SLCO1C1: variants seen among roughly 807,000 people sequenced by gnomAD.
SLCO1C1 encodes the protein OAT-RP-5.
SLCO1C1 carries 70 observed loss-of-function variants against 76.4 expected under a neutral mutation model. That is an observed-to-expected ratio of 0.92 (90% CI 0.76 to 1.12). SLCO1C1 has a LOEUF of 1.12. SLCO1C1 is among the 50% of genes most tolerant of loss of function. The pLI is 0.00. For synonymous variants in SLCO1C1, 306 were observed against 286.1 expected (o/e 1.07, Z -0.70); for missense variants, 912 against 823.8 (o/e 1.11, Z -1.31).
At chr12:20,715,860 A>C (rs1947338461) in intron 6 of SLCO1C1, among the ~76,000 whole-genome samples, 1 of 152,228 alleles carries the variant, frequency 6.6e-6, no homozygotes, top group African/African-American at 2.4e-5. Context: ...CAGCAGCTAA[A>C]AATCTGAAAA....
chr12:20,752,626 C>A lies in SLCO1C1; in HGVS notation c.*98C>A. On this transcript the variant is annotated 3_prime_UTR_variant, in exon 15 of 15. Transcript: ENST00000266509. ...GCTCTAAATTTGTAATTTCTTTCTC[C>A]TTTCAAAAAATGTCTACTTTGTTTT... 9.6e-7 allele frequency: 1 copy of A among 1,039,290 alleles called. No homozygotes were observed. Among genetic ancestry groups the A allele is most frequent in the Non-Finnish European group, 1.4e-6 (1 of 738,864 alleles). 64.4% of individuals were successfully genotyped at this position (1,039,290 alleles called of 1,614,324 possible).
chr12:20,737,298 G>T (rs763071171), intron 11 of SLCO1C1, 26 bp downstream of exon 11: 2 of 1,543,992 alleles, frequency 1.3e-6, no homozygotes, highest in South Asian at 2.5e-5. Context: ...TCAAGTATAT[G>T]GCGATGGTCC....
At chr12:20,733,693 C>T (rs1213128690) in intron 10 of SLCO1C1, among the ~76,000 whole-genome samples, 1 of 152,164 alleles carries the variant, frequency 6.6e-6, no homozygotes, top group Admixed American at 6.5e-5. Flanking sequence ...AACGCCTGTC[C>T]TTCAACCCAG....
At chr12:20,710,204 T>C (rs944292391) in intron 4 of SLCO1C1, among the ~76,000 whole-genome samples, 6 of 131,800 alleles carry the variant, frequency 4.6e-5, no homozygotes, top group East Asian at 4.2e-4. Flanking sequence ...ACTTTTCTTT[T>C]TTTTTTTTTT....
chr12:20,720,739 T>C (rs1477041662), intron 7 of SLCO1C1, among the ~76,000 whole-genome samples: 1 of 152,210 alleles, frequency 6.6e-6, no homozygotes, highest in African/African-American at 2.4e-5. Flanking sequence ...GGCTCATGCC[T>C]GTAATCCCAG....
At chr12:20,740,441 T>C in intron 12 of SLCO1C1, 73 bp downstream of exon 12, 1 of 1,375,224 alleles carries the variant, frequency 7.3e-7, no homozygotes, top group Non-Finnish European at 1.0e-6. Flanking sequence ...TAAATTTTTT[T>C]CTGTGGAGTC....
At chr12:20,713,095 T>TC (rs914188754) in intron 5 of SLCO1C1, among the ~76,000 whole-genome samples, 1 of 151,246 alleles carries the variant, frequency 6.6e-6, no homozygotes, top group Non-Finnish European at 1.5e-5. Flanking sequence ...TTTTTTTTTT[T>TC]TTGAGACGGA....
chr12:20,714,560 T>C (rs576091374), intron 5 of SLCO1C1, among the ~76,000 whole-genome samples: 1 of 152,330 alleles, frequency 6.6e-6, no homozygotes, highest in East Asian at 1.9e-4. Flanking sequence ...ATAATTTTTA[T>C]GTAAATTTGT....
rs757681985 is a variant in SLCO1C1 at position 20,752,423 on chromosome 12, G to A, written c.2034G>A (p.Lys678=). 1.9e-6 allele frequency: 3 copies of A among 1,613,436 alleles called. No individual in the cohort carries two copies. The highest frequency in any genetic ancestry group is 2.5e-6 in the Non-Finnish European group (3 of 1,179,620). The change falls in exon 15 of 15, where the codon AAG becomes AAA. Residue 678 remains lysine, a synonymous_variant. Transcript: ENST00000266509. ...CAAAACACAGAAGTTTTATAACCAA[G>A]AGAGAAAGAACAATGGTGTCTACAA... is the stretch of plus-strand genomic sequence containing the variant. ...YVSKHRSFIT[K]RERTMVSTRF... is the part of the protein sequence containing the mutation.
chr12:20,697,488 A>G (rs2120579089), intron 1 of SLCO1C1: 1 of 152,128 alleles, frequency 6.6e-6, no homozygotes, highest in African/African-American at 2.4e-5. Flanking sequence ...GTCCTGGCAA[A>G]ATACTGTTCT....
intron 11 of SLCO1C1, among the ~76,000 whole-genome samples, chr12:20,737,652 A>G (rs545681679): frequency 2.6e-5 from 4 of 152,266 alleles, no homozygotes; most frequent in Admixed American, 2.0e-4. Context: ...TAGGGAATGA[A>G]CAAATAGAGG....
At chr12:20,700,447 T>A (rs1009359657) in intron 2 of SLCO1C1, among the ~76,000 whole-genome samples, 16 of 151,998 alleles carry the variant, frequency 1.1e-4, no homozygotes, top group East Asian at 3.9e-4. Flanking sequence ...TTCTTTTTTT[T>A]AATTATTTTT....
intron 7 of SLCO1C1, among the ~76,000 whole-genome samples, chr12:20,720,247 C>A (rs971741160): frequency 6.6e-6 from 1 of 152,140 alleles, no homozygotes; most frequent in Non-Finnish European, 1.5e-5. Context: ...ATTGGCAATG[C>A]ACCTAGTCAC....
At chr12:20,750,065 GA>G (rs1256416926) in intron 13 of SLCO1C1, among the ~76,000 whole-genome samples, 2 of 152,162 alleles carry the variant, frequency 1.3e-5, no homozygotes, top group Admixed American at 1.3e-4. Flanking sequence ...CACAAAAGTA[GA>G]AAGACCCAAT....
chr12:20,732,923 C>A lies in SLCO1C1; in HGVS notation c.1201C>A (p.Pro401Thr). 1 of 1,613,918 alleles carries A rather than the reference C, an allele frequency of 6.2e-7. No homozygotes were observed. Among genetic ancestry groups the A allele is most frequent in the Non-Finnish European group, 8.5e-7 (1 of 1,179,906 alleles). ...TTGTTTCTCAGGGCTCATCAACATTCCAGCAGTGGCCCTTGGAATATTCTC... is the reference window on the plus strand; with the variant it reads ...TTGTTTCTCAGGGCTCATCAACATTACAGCAGTGGCCCTTGGAATATTCTC... ...ANFVIGLINI[P>T]AVALGIFSGG... The change falls in exon 10 of 15, where the codon CCA (proline) becomes ACA (threonine). Residue 401 changes from proline (P) to threonine (T), a missense_variant. By Grantham distance (38) the Pro-to-Thr change is conservative. Transcript: ENST00000266509.
At position 20,752,831 on chromosome 12, in the gene SLCO1C1, TTG is replaced by T. The variant is rs1228929423; in HGVS notation, c.*305_*306del. Reference sequence around the variant, plus strand: ...ATTAGCTGTACTCCTAGAAGAACAATTGTCTCTATTGTCACACATGGTTATAT... The same window carrying T: ...ATTAGCTGTACTCCTAGAAGAACAATTCTCTATTGTCACACATGGTTATAT... On this transcript the variant is annotated 3_prime_UTR_variant, in exon 15 of 15. Coordinates refer to ENST00000266509, the MANE Select transcript of SLCO1C1 (RefSeq NM_017435.5). 5.5e-6 allele frequency: 1 copy of T among 181,606 alleles called. No individual in the cohort carries two copies. The highest frequency in any genetic ancestry group is 2.4e-5 in the African/African-American group (1 of 42,542). 11.2% of individuals were successfully genotyped at this position (181,606 alleles called of 1,614,324 possible). A position where few individuals can be genotyped will look rare whatever the true frequency, so the allele number is the denominator to read the frequency against.
rs1319732325 is a variant in SLCO1C1, at chr12:20,737,102, T to A, written c.1383-5T>A. 6.6e-7 allele frequency: 1 copy of A among 1,504,002 alleles called. No individual in the cohort carries two copies. Among genetic ancestry groups the A allele is most frequent in the African/African-American group, 1.5e-5 (1 of 68,538 alleles). 93.2% of individuals were successfully genotyped at this position (1,504,002 alleles called of 1,614,324 possible). A position where few individuals can be genotyped will look rare whatever the true frequency, so the allele number is the denominator to read the frequency against. ...AATATTTTATATTGTTATATTTCTT[T>A]TCAGAACCAAACCTGTCTCTTATCA... On this transcript the variant is annotated splice_polypyrimidine_tract_variant and splice_region_variant and intron_variant, in intron 10 of 14. Transcript: ENST00000266509.
intron 13 of SLCO1C1, among the ~76,000 whole-genome samples, chr12:20,750,165 T>C (rs1457622972): frequency 2.0e-5 from 3 of 152,140 alleles, no homozygotes; most frequent in Non-Finnish European, 4.4e-5. Context: ...ATGTACAGAT[T>C]TGAGAAGGTT....
intron 4 of SLCO1C1, among the ~76,000 whole-genome samples, chr12:20,711,067 TA>T (rs200000939): frequency 2.0e-5 from 3 of 152,074 alleles, no homozygotes; most frequent in East Asian, 1.9e-4. Context: ...GTTGATGAGC[TA>T]AAAAAAATTG....
Sources: allele counts gnomAD v4.1 joint callset (sites outside exome capture counted in the v4.1 genomes callset), GRCh38; gene constraint gnomAD v4.1.1; transcripts MANE v1.5; gene names NCBI Gene and HGNC (gene_info 2026-07-23, HGNC 2026-07-21).